Variants in SNX24 observed in about 807,000 individuals in gnomAD.
SNX24 encodes the protein sorting nexin 24, also known as sorting nexin-24.
SNX24 carries 22 observed loss-of-function variants against 28.7 expected under a neutral mutation model. That is an observed-to-expected ratio of 0.77 (90% confidence interval 0.55 to 1.10). The LOEUF is 1.10. SNX24 is among the 50% of genes least tolerant of loss of function. SNX24 has a pLI of 0.00. For synonymous variants in SNX24, 69 were observed against 71.5 expected, an observed-to-expected ratio of 0.96 and a Z score of 0.18; for missense variants, 221 against 201.1, an observed-to-expected ratio of 1.10 and a Z score of -0.60.
chr5:122,897,670 G>A (rs1387665030), intron 1 of SNX24, among the ~76,000 whole-genome samples: 1 of 152,168 alleles, frequency 6.6e-6, no homozygotes, highest in Non-Finnish European at 1.5e-5. Context: ...ACACAGATGC[G>A]CGTTTGCCAG....
chr5:123,002,142 A>G (rs764104267), intron 6 of SNX24, 138 bp downstream of exon 6: 60 of 708,224 alleles, frequency 8.5e-5, no homozygotes, highest in Non-Finnish European at 1.3e-4. Flanking sequence ...TGCTCTTGGT[A>G]TAAGCGACAC....
intron 1 of SNX24, among the ~76,000 whole-genome samples, chr5:122,848,891 T>C (rs1422576981): frequency 6.6e-6 from 1 of 152,176 alleles, no homozygotes; most frequent in Non-Finnish European, 1.5e-5. Context: ...CATACTTTTT[T>C]TTCTTTTAAA....
At chr5:122,978,221 G>A (rs1320127507) in intron 3 of SNX24, among the ~76,000 whole-genome samples, 1 of 152,188 alleles carries the variant, frequency 6.6e-6, no homozygotes, top group African/African-American at 2.4e-5. Flanking sequence ...GTGTTTACAA[G>A]TGTGATAAAT....
chr5:123,013,435 A>C (rs1762628711), downstream of SNX24, among the ~76,000 whole-genome samples: 1 of 152,232 alleles, frequency 6.6e-6, no homozygotes, highest in Non-Finnish European at 1.5e-5. Context: ...TGATAATTAC[A>C]GATTTTGAAT....
At chr5:122,898,520 G>T (rs759556411) in intron 1 of SNX24, among the ~76,000 whole-genome samples, 4 of 152,170 alleles carry the variant, frequency 2.6e-5, no homozygotes, top group Non-Finnish European at 4.4e-5. Flanking sequence ...AGCCACTATG[G>T]CAGCACTCTG....
At chr5:122,904,168 C>T (rs990046755) in intron 1 of SNX24, among the ~76,000 whole-genome samples, 1 of 151,760 alleles carries the variant, frequency 6.6e-6, no homozygotes, top group South Asian at 2.1e-4. Context: ...CAGTGGAATA[C>T]CTAGTCTTTT....
rs112864811 is a variant in SNX24, at chr5:122,986,371, G to T, written c.250-13541G>T. Among the ~76,000 whole-genome samples the T allele has an allele frequency of 4.3e-3, 651 of 152,318 alleles. 6 individuals carry two copies. The highest frequency in any genetic ancestry group is 0.015 in the African/African-American group (619 of 41,568). ...CCATGGCAGTTAGTGGACTTAGGGA[G>T]AGGATGCTGGCTAAGCCTTGAAAAG... On this transcript the variant is annotated intron_variant, in intron 3 of 6. Coordinates refer to ENST00000261369, the MANE Select transcript of SNX24 (RefSeq NM_014035.4).
chr5:122,898,201 G>A (rs1441948322), intron 1 of SNX24, among the ~76,000 whole-genome samples: 3 of 152,132 alleles, frequency 2.0e-5, no homozygotes, highest in Non-Finnish European at 2.9e-5. Context: ...GAGTGTGCCC[G>A]TGTGGAACTT....
chr5:122,905,040 G>T (rs1757590219), intron 1 of SNX24, among the ~76,000 whole-genome samples: 1 of 152,202 alleles, frequency 6.6e-6, no homozygotes, highest in Non-Finnish European at 1.5e-5. Context: ...ATTCAGAAAA[G>T]TTCTTCAAGT....
At chr5:122,932,763 G>A (rs1759009937) in intron 1 of SNX24, among the ~76,000 whole-genome samples, 1 of 151,100 alleles carries the variant, frequency 6.6e-6, no homozygotes, top group Admixed American at 6.6e-5. Flanking sequence ...GGAAGCTGAG[G>A]CAGGAGAATG....
At chr5:122,990,384 A>C (rs1433629302) in intron 3 of SNX24, among the ~76,000 whole-genome samples, 1 of 152,240 alleles carries the variant, frequency 6.6e-6, no homozygotes, top group Non-Finnish European at 1.5e-5. Context: ...CTAGTATACT[A>C]TGTCTAAACT....
intron 3 of SNX24, among the ~76,000 whole-genome samples, chr5:122,953,088 TC>T (rs1438668713): frequency 6.6e-6 from 1 of 151,818 alleles, no homozygotes; most frequent in Non-Finnish European, 1.5e-5. Flanking sequence ...CTTTTTTCCT[TC>T]CCTTTCCTTT....
chr5:122,919,829 C>T (rs1259282499), intron 1 of SNX24, among the ~76,000 whole-genome samples: 1 of 152,146 alleles, frequency 6.6e-6, no homozygotes, highest in Non-Finnish European at 1.5e-5. Context: ...TCACATGCAT[C>T]AGGGCCCAAC....
chr5:122,891,134 G>A (rs1756949473), intron 1 of SNX24: 1 of 1,477,734 alleles, frequency 6.8e-7, no homozygotes, highest in Non-Finnish European at 9.0e-7. Context: ...AGGTATTTTT[G>A]ACTGTAGAAA....
intron 1 of SNX24, among the ~76,000 whole-genome samples, chr5:122,875,413 A>G (rs1756179479): frequency 1.3e-5 from 2 of 152,210 alleles, no homozygotes; most frequent in Non-Finnish European, 2.9e-5. Context: ...TTTTAAAGAA[A>G]TCTTCCTTTA....
At chr5:123,005,231 T>C (rs576528529) in intron 6 of SNX24, among the ~76,000 whole-genome samples, 22 of 152,308 alleles carry the variant, frequency 1.4e-4, no homozygotes, top group Admixed American at 4.6e-4. Context: ...CTTTGTTCTT[T>C]GGCTTTGTCC....
intron 3 of SNX24, among the ~76,000 whole-genome samples, chr5:122,989,500 G>C (rs1017948758): frequency 3.2e-5 from 4 of 124,742 alleles, no homozygotes; most frequent in Non-Finnish European, 6.4e-5. Flanking sequence ...GGCTAGATCT[G>C]TGTCACATGC....
chr5:122,875,697 C>CTAA (rs1205476030), intron 1 of SNX24, among the ~76,000 whole-genome samples: 1 of 152,190 alleles, frequency 6.6e-6, no homozygotes, highest in Non-Finnish European at 1.5e-5. Context: ...TTGTACCAAC[C>CTAA]TAATACTAAC....
intron 3 of SNX24, among the ~76,000 whole-genome samples, chr5:122,991,216 T>C (rs1345841433): frequency 6.6e-6 from 1 of 152,112 alleles, no homozygotes; most frequent in Non-Finnish European, 1.5e-5. Context: ...TTTTAAAATT[T>C]ATTTGGATTT....
Sources: gnomAD v4.1 joint callset for allele counts (sites outside exome capture counted in the v4.1 genomes callset) on GRCh38, gnomAD v4.1.1 for gene constraint, MANE v1.5 for transcripts, NCBI Gene and HGNC (gene_info 2026-07-23, HGNC 2026-07-21) for gene names.